The following SPATA6L variants were observed in gnomAD, a reference collection of about 807,000 sequenced individuals.
The protein encoded by SPATA6L is spermatogenesis associated 6 like.
Under a neutral mutation model 49.2 loss-of-function variants are expected in SPATA6L, and 68 were observed. That is an observed-to-expected ratio of 1.38 (90% CI 1.14 to 1.69). The LOEUF is 1.69. SPATA6L is among the 40% of genes most tolerant of loss of function. The pLI, the probability that SPATA6L is intolerant of heterozygous loss-of-function variation, is 0.00. For synonymous variants in SPATA6L, 198 were observed against 165.7 expected (o/e 1.19, Z -1.50); for missense variants, 668 against 464.3 (o/e 1.44, Z -4.03).
chr9:4,592,067 C>G (rs1821935484), intron 13 of SPATA6L, among the ~76,000 whole-genome samples: 1 of 152,174 alleles, frequency 6.6e-6, no homozygotes, highest in South Asian at 2.1e-4. Context: ...ATAATCCCAG[C>G]ACTTTGGGAG....
At chr9:4,626,086 C>T (rs954434561) in intron 5 of SPATA6L, 1 of 162,168 alleles carries the variant, frequency 6.2e-6, no homozygotes, top group Admixed American at 5.9e-5. Flanking sequence ...TCCACCTGGT[C>T]TCTGTAGGCT....
At chr9:4,649,264 A>T (rs1836256131) in intron 3 of SPATA6L, among the ~76,000 whole-genome samples, 1 of 152,250 alleles carries the variant, frequency 6.6e-6, no homozygotes, top group South Asian at 2.1e-4. Flanking sequence ...TTGCTGGATC[A>T]AATGATAGTT....
At chr9:4,607,045 C>T (rs201192793) in intron 9 of SPATA6L, among the ~76,000 whole-genome samples, 2,881 of 149,986 alleles carry the variant, frequency 0.019, 52 homozygotes, top group South Asian at 0.054. Context: ...AGGGTATCAG[C>T]GATGGAAGAT....
chr9:4,589,802 G>T (rs301439), intron 13 of SPATA6L, among the ~76,000 whole-genome samples: 1 of 152,202 alleles, frequency 6.6e-6, no homozygotes, highest in East Asian at 1.9e-4. Flanking sequence ...AGGGCCCCCC[G>T]TGGGGCTTTT....
At position 4,636,578 on chromosome 9, in the gene SPATA6L, T is replaced by C. The variant is rs568515101; in HGVS notation, c.227-1179A>G. Among the ~76,000 whole-genome samples, 8 of 152,290 alleles carry C rather than the reference T, an allele frequency of 5.3e-5. No individual in the cohort carries two copies. In the East Asian group the frequency reaches 1.2e-3, roughly 22 times the overall value. On this transcript the variant is annotated intron_variant, in intron 3 of 11. Coordinates refer to ENST00000682582, the MANE Select transcript of SPATA6L (RefSeq NM_001353486.2). Reference sequence around the variant, plus strand: ...CACAGAGGACCATCAAAAAAGTAACTATAGCCAATGAGGCAGTTTTGCTAT... The same window carrying C: ...CACAGAGGACCATCAAAAAAGTAACCATAGCCAATGAGGCAGTTTTGCTAT...
chr9:4,609,144 G>A (rs1444029551), intron 9 of SPATA6L, among the ~76,000 whole-genome samples: 8 of 151,618 alleles, frequency 5.3e-5, no homozygotes, highest in African/African-American at 2.0e-4. Flanking sequence ...TGAAATTGTG[G>A]CAATAATCAA....
chr9:4,659,024 G>A (rs921292171), intron 2 of SPATA6L, among the ~76,000 whole-genome samples: 1 of 151,772 alleles, frequency 6.6e-6, no homozygotes, highest in South Asian at 2.1e-4. Flanking sequence ...TTATTGGGAT[G>A]GGGGAAAGAC....
intron 9 of SPATA6L, among the ~76,000 whole-genome samples, chr9:4,606,922 G>C (rs1394330505): frequency 1.4e-5 from 2 of 142,706 alleles, no homozygotes; most frequent in Admixed American, 6.9e-5. Flanking sequence ...TGTATAACTA[G>C]AATAATCAAT....
chr9:4,661,999 T>C lies in SPATA6L; in HGVS notation c.77A>G (p.Asp26Gly), dbSNP rs755389181. 4 of 1,614,120 alleles carry C rather than the reference T, an allele frequency of 2.5e-6. No homozygotes were observed. In the South Asian group the frequency reaches 3.3e-5, roughly 13 times the overall value. The change falls in exon 2 of 12, where the codon GAT becomes GGT. Residue 26 changes from aspartate to glycine, a missense_variant. Coordinates refer to ENST00000682582, the MANE Select transcript of SPATA6L (RefSeq NM_001353486.2). ...CATGAGGTAGACCCCGAGGTACACA[T>C]CTTGTTTGCCAGGCAGGAACACTCC... The part of the protein sequence containing the change: ...CPGVFLPGKQ[D>G]VYLGVYLMNQ...
intron 8 of SPATA6L, among the ~76,000 whole-genome samples, chr9:4,618,500 T>C (rs774209454): frequency 3.9e-5 from 6 of 152,228 alleles, no homozygotes; most frequent in East Asian, 1.9e-4. Flanking sequence ...TGTTGTTACA[T>C]AGAAGTTTGA....
At chr9:4,649,060 TATACACAC>T (rs559577620) in intron 3 of SPATA6L, among the ~76,000 whole-genome samples, 1,172 of 67,526 alleles carry the variant, frequency 0.017, 10 homozygotes, top group African/African-American at 0.053. Flanking sequence ...AATATAGAAA[TATACACAC>T]ACACACACAC....
intron 3 of SPATA6L, among the ~76,000 whole-genome samples, chr9:4,641,535 G>C (rs1391754498): frequency 6.6e-6 from 1 of 152,114 alleles, no homozygotes; most frequent in African/African-American, 2.4e-5. Context: ...TTGTTATGCT[G>C]TATTGTTAAG....
In SPATA6L at chr9:4,662,795, G is replaced by A. The variant is rs774193833; in HGVS notation, c.40-759C>T. On this transcript the variant is annotated intron_variant, in intron 1 of 11. Coordinates refer to ENST00000682582, the MANE Select transcript of SPATA6L (RefSeq NM_001353486.2). This position sits in a 1 kb window ranked among gnomAD's most constrained non-coding sequence, Gnocchi z 4.9. The stretch of plus-strand genomic sequence containing the variant: ...CCCTTATGAAGCTGCTGGAGATCTC[G>A]GGACACGGCATCCCCTGGCTGCTGG... 1.9e-6 allele frequency: 3 copies of A among 1,605,226 alleles called. No homozygotes were observed. Among genetic ancestry groups the A allele is most frequent in the Admixed American group, 1.7e-5 (1 of 60,024 alleles).
intron 9 of SPATA6L, among the ~76,000 whole-genome samples, chr9:4,616,241 C>T (rs770014147): frequency 1.3e-5 from 2 of 152,032 alleles, no homozygotes; most frequent in African/African-American, 4.8e-5. Flanking sequence ...TGTGCCACTG[C>T]ACTCCAGCCT....
intron 3 of SPATA6L, among the ~76,000 whole-genome samples, chr9:4,644,328 G>C (rs929183217): frequency 6.6e-6 from 1 of 151,024 alleles, no homozygotes; most frequent in Non-Finnish European, 1.5e-5. Flanking sequence ...GAGTGACAGA[G>C]TGAGATCTTG....
intron 1 of SPATA6L, chr9:4,663,319 G>T: frequency 1.3e-6 from 2 of 1,549,586 alleles, no homozygotes; most frequent in Non-Finnish European, 1.8e-6. Flanking sequence ...ATTCGATGAT[G>T]TCAACCTAAA....
At position 4,590,459 on chromosome 9, in the gene SPATA6L, G is replaced by C; in HGVS notation, c.*255-1498C>G. Among the ~76,000 whole-genome samples, 3 of 152,238 alleles carry C rather than the reference G, an allele frequency of 2.0e-5. 1 individual carries two copies. The South Asian group carries it at 6.2e-4, about 32-fold the overall frequency. On this transcript the variant is annotated intron_variant and NMD_transcript_variant, in intron 13 of 13. Coordinates refer to the SPATA6L transcript ENST00000461761. ...TTGGAAGGTGTCTCTCCAGAATTAG[G>C]GTGACACTTATGGTTTCATCTACAA...
downstream of SPATA6L, among the ~76,000 whole-genome samples, chr9:4,595,453 A>G (rs546265164): frequency 7.9e-5 from 12 of 152,300 alleles, no homozygotes; most frequent in African/African-American, 2.4e-4. Flanking sequence ...CAAGATCATC[A>G]GATTAATACT....
intron 7 of SPATA6L, among the ~76,000 whole-genome samples, chr9:4,621,796 T>C (rs1829371507): frequency 6.6e-6 from 1 of 152,206 alleles, no homozygotes; most frequent in East Asian, 1.9e-4. Context: ...CCGTAGTCTG[T>C]TCTTATATTT....
Sources: allele counts gnomAD v4.1 joint callset (sites outside exome capture counted in the v4.1 genomes callset), GRCh38; gene constraint gnomAD v4.1.1; non-coding constraint Gnocchi (gnomAD v3.1); transcripts MANE v1.5; gene names NCBI Gene and HGNC (gene_info 2026-07-23, HGNC 2026-07-21).